BMP8A: variants seen among roughly 807,000 people sequenced by gnomAD.
BMP8A encodes bone morphogenetic protein 8a.
Under a neutral mutation model 36.8 loss-of-function variants are expected in BMP8A, and 14 were observed. The observed-to-expected ratio is 0.38, with a 90% CI of 0.25 to 0.60. The LOEUF (loss-of-function observed/expected upper bound fraction) is 0.60. Ranked by LOEUF, BMP8A falls within the 20% of genes least tolerant of loss-of-function variation. The probability of loss-of-function intolerance (pLI) is 0.63; values close to 1 mark genes in which losing one functional copy is unlikely to be tolerated. For missense variants in BMP8A, 267 were observed against 551.1 expected, an observed-to-expected ratio of 0.48 and a Z score of 5.16; for synonymous variants, 120 against 237.7, an observed-to-expected ratio of 0.50 and a Z score of 4.55.
Position 39,526,339 on chromosome 1 carries a change from AT to A in BMP8A, c.*557del, listed in dbSNP as rs113902821. Among the ~76,000 whole-genome samples the A allele has an allele frequency of 0.057, 8,028 of 140,626 alleles. 539 individuals carry two copies. The highest frequency in any genetic ancestry group is 0.17 in the African/African-American group (6,553 of 38,522). The allele number at this position is 140,626 out of a possible 152,430, so 92.3% of individuals were successfully genotyped here. A position where few individuals can be genotyped will look rare whatever the true frequency, so the allele number is the denominator to read the frequency against. ...GGACATCCCCACGAAGCCACTGGGG[AT>A]TTTTTTTTTTTTTTTCCAGATAGAG... On this transcript the variant is annotated 3_prime_UTR_variant, in exon 7 of 7. Coordinates refer to ENST00000331593, the MANE Select transcript of BMP8A (RefSeq NM_181809.4).
chr1:39,509,767 T>C (rs1044054217), intron 1 of BMP8A, among the ~76,000 whole-genome samples: 5 of 152,156 alleles, frequency 3.3e-5, no homozygotes, highest in African/African-American at 1.2e-4. Flanking sequence ...CCAGAGAGAA[T>C]TTTTAAAAAG....
chr1:39,506,946 T>C (rs944346139), intron 1 of BMP8A, among the ~76,000 whole-genome samples: 1 of 152,194 alleles, frequency 6.6e-6, no homozygotes, highest in Admixed American at 6.5e-5. Flanking sequence ...GAAAAATGAA[T>C]GAGGAAAAGT....
At chr1:39,517,426 A>G (rs1215061830) in intron 3 of BMP8A, among the ~76,000 whole-genome samples, 1 of 151,538 alleles carries the variant, frequency 6.6e-6, no homozygotes, top group Non-Finnish European at 1.5e-5. Flanking sequence ...AGCAATTCTC[A>G]TGTCTCAGCC....
intron 6 of BMP8A, 32 bp downstream of exon 6, chr1:39,523,149 T>C: frequency 6.2e-7 from 1 of 1,605,986 alleles, no homozygotes; most frequent in Non-Finnish European, 8.5e-7. Flanking sequence ...CCCAGCCCCC[T>C]GGGGTGGGAG....
chr1:39,521,096 ATGT>A (rs979760345), intron 3 of BMP8A, among the ~76,000 whole-genome samples: 18 of 67,040 alleles, frequency 2.7e-4, no homozygotes, highest in African/African-American at 8.7e-4. Context: ...CACTTCACAA[ATGT>A]TATTATTTGT....
At chr1:39,497,746 C>T (rs1437915880) in intron 1 of BMP8A, among the ~76,000 whole-genome samples, 1 of 152,228 alleles carries the variant, frequency 6.6e-6, no homozygotes, top group African/African-American at 2.4e-5. Flanking sequence ...CTTCCCTGCC[C>T]CTGCCCCCCA....
intron 1 of BMP8A, among the ~76,000 whole-genome samples, chr1:39,503,531 T>C (rs1645271490): frequency 6.8e-6 from 1 of 146,796 alleles, no homozygotes; most frequent in South Asian, 2.3e-4. Flanking sequence ...TTTTTTTTTT[T>C]TTTGAGATGG....
chr1:39,507,686 A>G (rs1247418064), intron 1 of BMP8A, among the ~76,000 whole-genome samples: 1 of 152,136 alleles, frequency 6.6e-6, no homozygotes, highest in African/African-American at 2.4e-5. Context: ...CCTTGGTTCT[A>G]TGGGAAGGTG....
In BMP8A at chr1:39,527,418, G is replaced by A. The variant is rs1386792712; in HGVS notation, c.*1620G>A. On this transcript the variant is annotated 3_prime_UTR_variant, in exon 7 of 7. Coordinates refer to ENST00000331593, the MANE Select transcript of BMP8A (RefSeq NM_181809.4). ...GTCATTAAAAGCAGATCCTGGGCCC[G>A]CCCCATCCACAGGCACAGCCTGGCA... Among the ~76,000 whole-genome samples the A allele has an allele frequency of 6.6e-6, 1 of 152,194 alleles. No homozygotes were observed. The highest frequency in any genetic ancestry group is 1.5e-5 in the Non-Finnish European group (1 of 68,028).
chr1:39,505,068 C>G (rs1004892809), intron 1 of BMP8A, among the ~76,000 whole-genome samples: 1 of 152,176 alleles, frequency 6.6e-6, no homozygotes, highest in Non-Finnish European at 1.5e-5. Flanking sequence ...CCACGACATT[C>G]CAATCCCAGG....
In BMP8A at chr1:39,524,204, C is replaced by T. The variant is rs368378759; in HGVS notation, c.1059+1087C>T. ...CACCCTTTATGCCGTGTGGTTCTCACAGCTGCATGTGTGGGAGGTACATGG... is the reference window on the plus strand; with the variant it reads ...CACCCTTTATGCCGTGTGGTTCTCATAGCTGCATGTGTGGGAGGTACATGG... On this transcript the variant is annotated intron_variant, in intron 6 of 6. Transcript: ENST00000331593. This position sits in a 1 kb window ranked among gnomAD's most constrained non-coding sequence, Gnocchi z 4.0. 1.4e-4 allele frequency among the ~76,000 whole-genome samples: 22 copies of T among 152,292 alleles called. No individual in the cohort carries two copies. In the East Asian group the frequency reaches 4.1e-3, roughly 28 times the overall value.
chr1:39,507,984 G>A (rs1367279192), intron 1 of BMP8A, among the ~76,000 whole-genome samples: 2 of 152,198 alleles, frequency 1.3e-5, no homozygotes, highest in African/African-American at 4.8e-5. Context: ...GGGTGCAGTG[G>A]CTCACGCTTG....
chr1:39,495,195 C>A (rs1645195008), intron 1 of BMP8A, among the ~76,000 whole-genome samples: 1 of 152,222 alleles, frequency 6.6e-6, no homozygotes, highest in Non-Finnish European at 1.5e-5. Context: ...CTATCAGCCT[C>A]ATCTGAGTCC....
intron 1 of BMP8A, among the ~76,000 whole-genome samples, chr1:39,496,426 C>G (rs1645205949): frequency 6.6e-6 from 1 of 150,804 alleles, no homozygotes; most frequent in Non-Finnish European, 1.5e-5. Context: ...GAGACCCACA[C>G]ACAAGGAATT....
At chr1:39,511,150 GC>G in intron 1 of BMP8A, 23 bp from the exon 2 acceptor site, 1 of 1,051,540 alleles carries the variant, frequency 9.5e-7, no homozygotes, top group Non-Finnish European at 1.4e-6. Context: ...CTGAGTGCCA[GC>G]CCAGCGCTGC....
In BMP8A at chr1:39,527,734, G is replaced by A. The variant is rs183223635; in HGVS notation, c.*1936G>A. On this transcript the variant is annotated 3_prime_UTR_variant, in exon 7 of 7. Coordinates refer to ENST00000331593, the MANE Select transcript of BMP8A (RefSeq NM_181809.4). Reference sequence around the variant, plus strand: ...CTAGCAGAGATTGGAAGAGGCAATGGCCTGAGTGTTAGGAGACAGGTATTC... The same window carrying A: ...CTAGCAGAGATTGGAAGAGGCAATGACCTGAGTGTTAGGAGACAGGTATTC... Among the ~76,000 whole-genome samples the A allele has an allele frequency of 2.7e-3, 406 of 152,374 alleles. No individual in the cohort carries two copies. Among genetic ancestry groups the A allele is most frequent in the African/African-American group, 9.3e-3 (386 of 41,584 alleles).
At chr1:39,505,576 C>T (rs1385011726) in intron 1 of BMP8A, among the ~76,000 whole-genome samples, 2 of 152,146 alleles carry the variant, frequency 1.3e-5, no homozygotes, top group Non-Finnish European at 2.9e-5. Context: ...TTCTCTTTCC[C>T]CCACACACTT....
At chr1:39,507,445 C>T (rs984041658) in intron 1 of BMP8A, among the ~76,000 whole-genome samples, 4 of 152,318 alleles carry the variant, frequency 2.6e-5, no homozygotes, top group South Asian at 2.1e-4. Flanking sequence ...AGGCCTCGAG[C>T]GCTTTTGGCC....
At chr1:39,504,570 C>T (rs553803153) in intron 1 of BMP8A, among the ~76,000 whole-genome samples, 16 of 152,316 alleles carry the variant, frequency 1.1e-4, no homozygotes, top group African/African-American at 2.9e-4. Flanking sequence ...ATCTCAGGGT[C>T]GTGGGTTCAA....
Sources: gnomAD v4.1 joint callset for allele counts (sites outside exome capture counted in the v4.1 genomes callset) on GRCh38, gnomAD v4.1.1 for gene constraint, Gnocchi (gnomAD v3.1) non-coding constraint, MANE v1.5 for transcripts, NCBI Gene and HGNC (gene_info 2026-07-23, HGNC 2026-07-21) for gene names.